CNTNAP4: variants seen among roughly 807,000 people sequenced by gnomAD.
CNTNAP4 encodes the protein contactin associated protein family member 4.
A neutral mutation model predicts 148.4 loss-of-function variants in CNTNAP4; 98 were observed. That is an observed-to-expected ratio of 0.66 (90% CI 0.56 to 0.78). The LOEUF is 0.78. CNTNAP4 is among the 30% of genes least tolerant of loss of function. The probability of loss-of-function intolerance (pLI) is 0.00; values close to 1 mark genes in which losing one functional copy is unlikely to be tolerated. For synonymous variants in CNTNAP4, 730 were observed against 565.1 expected, an observed-to-expected ratio of 1.29 and a Z score of -4.14; for missense variants, 1,935 against 1,565.6, an observed-to-expected ratio of 1.24 and a Z score of -3.98.
chr16:76,483,231 A>ACACACAC (rs2081904475), intron 12 of CNTNAP4, among the ~76,000 whole-genome samples: 1 of 140,014 alleles, frequency 7.1e-6, no homozygotes, highest in Non-Finnish European at 1.6e-5. Context: ...AGTTTTAAGA[A>ACACACAC]ACACACACAC....
intron 4 of CNTNAP4, among the ~76,000 whole-genome samples, chr16:76,428,808 T>C (rs945587802): frequency 6.6e-6 from 1 of 152,122 alleles, no homozygotes; most frequent in African/African-American, 2.4e-5. Context: ...ACTGTAGAAA[T>C]AGCACCGTTT....
intron 2 of CNTNAP4, among the ~76,000 whole-genome samples, chr16:76,351,773 G>A (rs974902326): frequency 1.3e-5 from 2 of 152,240 alleles, no homozygotes; most frequent in Non-Finnish European, 2.9e-5. Context: ...GCGCTAGGAA[G>A]AGGGAGCAGT....
rs547026051 is a variant in CNTNAP4, at chr16:76,468,877, A to T, written c.1655+1354A>T. On this transcript the variant is annotated intron_variant, in intron 10 of 23. Coordinates refer to ENST00000611870, the MANE Select transcript of CNTNAP4 (RefSeq NM_033401.5). ...CTGTTAATTTTAATTATTGAGTTTA[A>T]TGGAATGCCATAACCATTACAGATT... Among the ~76,000 whole-genome samples the T allele has an allele frequency of 1.1e-4, 17 of 152,342 alleles. No homozygotes were observed. The South Asian group carries it at 1.5e-3, about 13-fold the overall frequency.
chr16:76,558,754 G>T lies in CNTNAP4; in HGVS notation c.*71G>T. Reference sequence around the variant, plus strand: ...AGCCAGGGGTTCTCAATGGAAAAACGAATGCTCTTACACTGAATGTACAGG... The same window carrying T: ...AGCCAGGGGTTCTCAATGGAAAAACTAATGCTCTTACACTGAATGTACAGG... On this transcript the variant is annotated 3_prime_UTR_variant, in exon 24 of 24. Coordinates refer to ENST00000611870, the MANE Select transcript of CNTNAP4 (RefSeq NM_033401.5). 1 of 1,177,968 alleles carries T rather than the reference G, an allele frequency of 8.5e-7. No homozygotes were observed. The allele number at this position is 1,177,968 out of a possible 1,614,324, so 73.0% of individuals were successfully genotyped here. A position where few individuals can be genotyped will look rare whatever the true frequency, so the allele number is the denominator to read the frequency against.
intron 4 of CNTNAP4, among the ~76,000 whole-genome samples, chr16:76,445,285 C>G (rs988798253): frequency 1.3e-5 from 2 of 152,084 alleles, no homozygotes; most frequent in Non-Finnish European, 2.9e-5. Flanking sequence ...GATCAGAATG[C>G]CTGTTACAAC....
chr16:76,377,896 G>C (rs16944324), intron 3 of CNTNAP4, among the ~76,000 whole-genome samples: 1,556 of 152,296 alleles, frequency 0.01, 29 homozygotes, highest in African/African-American at 0.035. Flanking sequence ...CAGGTGGGAT[G>C]AATTCACCAT....
intron 11 of CNTNAP4, 68 bp downstream of exon 11, chr16:76,476,113 G>T: frequency 9.4e-7 from 1 of 1,058,914 alleles, no homozygotes; most frequent in Non-Finnish European, 1.5e-6. Context: ...CCTTTTCATT[G>T]CTGTGTGTAT....
At chr16:76,455,802 A>T (rs995606077) in intron 8 of CNTNAP4, among the ~76,000 whole-genome samples, 1 of 151,990 alleles carries the variant, frequency 6.6e-6, no homozygotes, top group Non-Finnish European at 1.5e-5. Flanking sequence ...TGGCAGGCTA[A>T]TTTTTTTTCT....
intron 4 of CNTNAP4, among the ~76,000 whole-genome samples, chr16:76,435,381 T>G (rs1170086806): frequency 1.3e-5 from 2 of 152,176 alleles, no homozygotes; most frequent in African/African-American, 4.8e-5. Context: ...GATTGCTGTT[T>G]TGCCTCTGCT....
chr16:76,481,291 G>A (rs2081818199), intron 12 of CNTNAP4, among the ~76,000 whole-genome samples: 1 of 152,138 alleles, frequency 6.6e-6, no homozygotes, highest in African/African-American at 2.4e-5. Flanking sequence ...ACTAGCAAGT[G>A]CCTATTTGAA....
intron 2 of CNTNAP4, among the ~76,000 whole-genome samples, chr16:76,321,503 C>T (rs191853960): frequency 6.6e-6 from 1 of 152,026 alleles, no homozygotes; most frequent in Admixed American, 6.6e-5. Context: ...TTAAAAACCT[C>T]TATAGGCCGG....
intron 4 of CNTNAP4, among the ~76,000 whole-genome samples, chr16:76,440,127 A>G (rs1023839538): frequency 6.6e-6 from 1 of 152,130 alleles, no homozygotes; most frequent in Admixed American, 6.6e-5. Context: ...AACTAAGAAG[A>G]GTTTGGTCTA....
chr16:76,312,745 A>T (rs959429019), intron 1 of CNTNAP4, among the ~76,000 whole-genome samples: 1 of 152,184 alleles, frequency 6.6e-6, no homozygotes, highest in Non-Finnish European at 1.5e-5. Flanking sequence ...CGTTATAGAT[A>T]CGGTTCTATC....
intron 4 of CNTNAP4, among the ~76,000 whole-genome samples, chr16:76,447,048 C>T (rs1452028362): frequency 6.6e-6 from 1 of 152,146 alleles, no homozygotes; most frequent in African/African-American, 2.4e-5. Flanking sequence ...TGGCTCACGC[C>T]TTTAATCGCA....
intron 3 of CNTNAP4, among the ~76,000 whole-genome samples, chr16:76,425,012 G>C (rs573532724): frequency 6.6e-6 from 1 of 152,256 alleles, no homozygotes; most frequent in South Asian, 2.1e-4. Flanking sequence ...GATTTGGTTA[G>C]TGCAATATAG....
intron 3 of CNTNAP4, among the ~76,000 whole-genome samples, chr16:76,417,787 C>G (rs1047924818): frequency 2.0e-5 from 3 of 151,616 alleles, no homozygotes; most frequent in Non-Finnish European, 3.0e-5. Context: ...GGAAGGAATG[C>G]TCTCGATGCA....
rs2082148662 is a variant in CNTNAP4, at chr16:76,489,819, T to C, written c.2016T>C (p.Arg672=). 7 of 1,605,702 alleles carry C rather than the reference T, an allele frequency of 4.4e-6. No homozygotes were observed. Among genetic ancestry groups the C allele is most frequent in the Non-Finnish European group, 6.0e-6 (7 of 1,175,422 alleles). Residue 672 remains arginine, a synonymous_variant, in exon 13 of 24, where the codon CGT becomes CGC. Transcript: ENST00000611870. ...AGCAACTTCAGGCCACTATTAACCG[T>C]GCAGAGCACTGTGAACAGGAGTTTA... ...SMEQLQATIN[R]AEHCEQEFTY...
At chr16:76,483,131 T>C (rs188251667) in intron 12 of CNTNAP4, among the ~76,000 whole-genome samples, 99 of 152,184 alleles carry the variant, frequency 6.5e-4, no homozygotes, top group Non-Finnish European at 1.1e-3. Context: ...TTCCCATAAA[T>C]GCATCCGGAT....
chr16:76,553,563 CT>C, intron 22 of CNTNAP4, 62 bp downstream of exon 22: 1 of 1,237,708 alleles, frequency 8.1e-7, no homozygotes, highest in Non-Finnish European at 1.1e-6. Flanking sequence ...ATTTAGAAAA[CT>C]TCTCATGTGG....
Sources: allele counts gnomAD v4.1 joint callset (sites outside exome capture counted in the v4.1 genomes callset), GRCh38; gene constraint gnomAD v4.1.1; transcripts MANE v1.5; gene names NCBI Gene and HGNC (gene_info 2026-07-23, HGNC 2026-07-21).